Variants in MMP16 observed in about 807,000 individuals in gnomAD.
MMP16 encodes matrix metalloproteinase-16.
Under a neutral mutation model 67.8 loss-of-function variants are expected in MMP16, and 12 were observed. The ratio of observed to expected loss-of-function variants is 0.18; its 90% CI spans 0.11 to 0.29. MMP16 has a LOEUF of 0.29. Among genes scored for constraint, MMP16 ranks in the 10% least tolerant of loss-of-function variants. The probability of loss-of-function intolerance (pLI) is 1.00; values close to 1 mark genes in which losing one functional copy is unlikely to be tolerated. For missense variants in MMP16, 475 were observed against 765.7 expected (o/e 0.62, Z 4.48); for synonymous variants, 249 against 255.9 (o/e 0.97, Z 0.26).
intron 3 of MMP16, among the ~76,000 whole-genome samples, chr8:88,178,518 A>T (rs939565193): frequency 6.6e-6 from 1 of 152,178 alleles, no homozygotes; most frequent in Non-Finnish European, 1.5e-5. Flanking sequence ...GATAGATTTA[A>T]TTTTTATATA....
intron 1 of MMP16, among the ~76,000 whole-genome samples, chr8:88,229,508 C>T (rs756929003): frequency 1.3e-5 from 2 of 151,894 alleles, no homozygotes; most frequent in Non-Finnish European, 2.9e-5. Flanking sequence ...AAATCTTAGC[C>T]AGGGTAAGAC....
intron 1 of MMP16, among the ~76,000 whole-genome samples, chr8:88,226,308 T>A (rs1234188399): frequency 6.6e-6 from 1 of 152,064 alleles, no homozygotes; most frequent in Non-Finnish European, 1.5e-5. Context: ...TGGTGGATTA[T>A]CATAAAACAG....
intron 9 of MMP16, among the ~76,000 whole-genome samples, chr8:88,044,763 G>A (rs1436019722): frequency 6.6e-6 from 1 of 152,144 alleles, no homozygotes; most frequent in African/African-American, 2.4e-5. Flanking sequence ...TTCCCTGAGA[G>A]CAGTGCCTCT....
intron 6 of MMP16, among the ~76,000 whole-genome samples, chr8:88,092,769 T>C (rs1239154671): frequency 1.3e-5 from 2 of 151,920 alleles, no homozygotes; most frequent in Non-Finnish European, 2.9e-5. Flanking sequence ...AATTTGATCT[T>C]TGCCATTAAT....
At chr8:88,047,413 A>G (rs28991909) in intron 8 of MMP16, among the ~76,000 whole-genome samples, 64 of 152,328 alleles carry the variant, frequency 4.2e-4, no homozygotes, top group Middle Eastern at 3.4e-3. Context: ...ATAGGAGGTG[A>G]TAACAACTAT....
Position 88,035,552 on chromosome 8 carries a change from T to C in MMP16, c.*5909A>G, listed in dbSNP as rs1168167247. The C allele has an allele frequency of 6.6e-6, 1 of 152,038 alleles. No individual in the cohort carries two copies. Among genetic ancestry groups the C allele is most frequent in the Admixed American group, 6.6e-5 (1 of 15,232 alleles). 9.4% of individuals were successfully genotyped at this position (152,038 alleles called of 1,614,324 possible). On this transcript the variant is annotated 3_prime_UTR_variant, in exon 10 of 10. Coordinates refer to ENST00000286614, the MANE Select transcript of MMP16 (RefSeq NM_005941.5). The surrounding 1 kb of genome is among the most constrained non-coding windows in gnomAD (Gnocchi z 4.7). ...CATGAGTTCTGGTTTATGCCCTTAT[T>C]TGCCTTAGAAAACATTAGTTATGAA...
intron 8 of MMP16, among the ~76,000 whole-genome samples, chr8:88,052,188 C>G (rs1808279479): frequency 6.6e-6 from 1 of 152,150 alleles, no homozygotes; most frequent in Non-Finnish European, 1.5e-5. Context: ...GACTTCTTCA[C>G]TTGGTGTATA....
chr8:88,156,846 A>C (rs913328618), intron 4 of MMP16, among the ~76,000 whole-genome samples: 1 of 152,168 alleles, frequency 6.6e-6, no homozygotes, highest in Non-Finnish European at 1.5e-5. Flanking sequence ...ATTTCTACAG[A>C]GACTATGTAA....
chr8:88,237,376 G>A (rs550896521), intron 1 of MMP16, among the ~76,000 whole-genome samples: 7 of 152,120 alleles, frequency 4.6e-5, no homozygotes, highest in Non-Finnish European at 1.0e-4. Context: ...TTGGCCGGGC[G>A]CGGTGGCTCA....
chr8:88,263,060 GT>G (rs35998193), intron 1 of MMP16, among the ~76,000 whole-genome samples: 48,212 of 150,340 alleles, frequency 0.32, 8,553 homozygotes, highest in African/African-American at 0.47. Flanking sequence ...AATAAAAAAA[GT>G]TTTTTTTAAT....
chr8:88,251,010 G>A (rs991455208), intron 1 of MMP16, among the ~76,000 whole-genome samples: 1 of 145,480 alleles, frequency 6.9e-6, no homozygotes, highest in African/African-American at 2.6e-5. Flanking sequence ...TCCCACCTAT[G>A]AGTGAGAATA....
Position 88,186,285 on chromosome 8 carries a change from T to C in MMP16, c.404+191A>G, listed in dbSNP as rs1049063005. On this transcript the variant is annotated intron_variant, in intron 3 of 9. Coordinates refer to ENST00000286614, the MANE Select transcript of MMP16 (RefSeq NM_005941.5). ...TAGTTTACAAAAGAGCCCAAGTGTCTCAGAGTGTCTACATAGGGTGTCTAA... is the reference window on the plus strand; with the variant it reads ...TAGTTTACAAAAGAGCCCAAGTGTCCCAGAGTGTCTACATAGGGTGTCTAA... 5 of 523,296 alleles carry C rather than the reference T, an allele frequency of 9.6e-6. No homozygotes were observed. In the Admixed American group the frequency reaches 1.8e-4, roughly 19 times the overall value. The allele number at this position is 523,296 out of a possible 1,614,324, so 32.4% of individuals were successfully genotyped here. A position where few individuals can be genotyped will look rare whatever the true frequency, so the allele number is the denominator to read the frequency against.
chr8:88,300,559 T>C (rs1202608647), intron 1 of MMP16, among the ~76,000 whole-genome samples: 8 of 152,200 alleles, frequency 5.3e-5, no homozygotes, highest in Non-Finnish European at 1.2e-4. Flanking sequence ...GAAACCCTTA[T>C]TTTACTTAGT....
At chr8:88,203,771 T>C (rs1259980842) in intron 1 of MMP16, among the ~76,000 whole-genome samples, 2 of 152,238 alleles carry the variant, frequency 1.3e-5, no homozygotes, top group Non-Finnish European at 2.9e-5. Flanking sequence ...CATAGCAAGG[T>C]ACTTATAAGT....
At chr8:88,252,812 C>T (rs1810247060) in intron 1 of MMP16, among the ~76,000 whole-genome samples, 1 of 151,970 alleles carries the variant, frequency 6.6e-6, no homozygotes, top group East Asian at 1.9e-4. Context: ...AGCCTTAATA[C>T]ATTAGCCAGA....
At chr8:88,065,787 C>A (rs913147494) in intron 7 of MMP16, among the ~76,000 whole-genome samples, 3 of 152,018 alleles carry the variant, frequency 2.0e-5, no homozygotes, top group Non-Finnish European at 2.9e-5. Flanking sequence ...TTGTGAGCAG[C>A]ATAAAGAAAT....
chr8:88,320,549 T>TC (rs1811442787), intron 1 of MMP16, among the ~76,000 whole-genome samples: 1 of 152,184 alleles, frequency 6.6e-6, no homozygotes, highest in African/African-American at 2.4e-5. Context: ...CTAATTTCCT[T>TC]CTTAGTTCAT....
chr8:88,076,703 T>C lies in MMP16; in HGVS notation c.1084-1960A>G, dbSNP rs1191847193. Among the ~76,000 whole-genome samples the C allele has an allele frequency of 3.9e-5, 6 of 152,162 alleles. No individual in the cohort carries two copies. In the South Asian group the frequency reaches 6.2e-4, roughly 16 times the overall value. The stretch of plus-strand genomic sequence containing the variant: ...AAAAAACAGAATTTTTGTCTAGATA[T>C]AACAAGGGCTTCTAACTGGGTGTTA... On this transcript the variant is annotated intron_variant, in intron 6 of 9. Transcript: ENST00000286614.
At chr8:88,155,374 G>T (rs1299779197) in intron 4 of MMP16, among the ~76,000 whole-genome samples, 1 of 151,874 alleles carries the variant, frequency 6.6e-6, no homozygotes, top group Non-Finnish European at 1.5e-5. Context: ...TTAGTCCTTT[G>T]GGAATAATTT....
Sources: gnomAD v4.1 joint callset for allele counts (sites outside exome capture counted in the v4.1 genomes callset) on GRCh38, gnomAD v4.1.1 for gene constraint, Gnocchi (gnomAD v3.1) non-coding constraint, MANE v1.5 for transcripts, NCBI Gene and HGNC (gene_info 2026-07-23, HGNC 2026-07-21) for gene names.